The following VIM variants were observed in gnomAD, a reference collection of about 807,000 sequenced individuals.
VIM encodes the protein epididymis secretory sperm binding protein.
Under a neutral mutation model 50.3 loss-of-function variants are expected in VIM, and 18 were observed. The ratio of observed to expected loss-of-function variants is 0.36; its 90% CI spans 0.25 to 0.53. VIM has a LOEUF of 0.53. VIM is among the 20% of genes least tolerant of loss of function. The pLI is 0.91. For synonymous variants in VIM, 245 were observed against 248.5 expected (o/e 0.99, Z 0.13); for missense variants, 551 against 614.7 (o/e 0.90, Z 1.10).
chr10:17,229,291 G>T lies in VIM; in HGVS notation c.-132G>T. 3 of 956,106 alleles carry T rather than the reference G, an allele frequency of 3.1e-6. No individual in the cohort carries two copies. The highest frequency in any genetic ancestry group is 3.1e-5 in the South Asian group (2 of 65,140). 59.2% of individuals were successfully genotyped at this position (956,106 alleles called of 1,614,324 possible). A position where few individuals can be genotyped will look rare whatever the true frequency, so the allele number is the denominator to read the frequency against. On this transcript the variant is annotated 5_prime_UTR_variant, in exon 2 of 10. Transcript: ENST00000544301. ...CGGGGTCCAGTCCTCTGCCACTCTC[G>T]CTCCGAGGTCCCCGCGCCAGAGACG...
chr10:17,236,244 T>C (rs1564375138), intron 8 of VIM, 50 bp from the exon 9 acceptor site: 1 of 1,403,980 alleles, frequency 7.1e-7, no homozygotes, highest in Non-Finnish European at 1.0e-6. Flanking sequence ...ACTTGGTTTT[T>C]CCAAGAAAAA....
In VIM at chr10:17,237,354, G is replaced by T; in HGVS notation, c.*83G>T. 7.1e-7 allele frequency: 1 copy of T among 1,412,178 alleles called. No individual in the cohort carries two copies. The highest frequency in any genetic ancestry group is 1.3e-5 in the South Asian group (1 of 79,788). The allele number at this position is 1,412,178 out of a possible 1,614,324, so 87.5% of individuals were successfully genotyped here. A position where few individuals can be genotyped will look rare whatever the true frequency, so the allele number is the denominator to read the frequency against. ...TATCTTAAAGAAACAGCTTTCAAGTGCCTTTCTGCAGTTTTTCAGGAGCGC... is the reference window on the plus strand; with the variant it reads ...TATCTTAAAGAAACAGCTTTCAAGTTCCTTTCTGCAGTTTTTCAGGAGCGC... On this transcript the variant is annotated 3_prime_UTR_variant, in exon 10 of 10. Coordinates refer to ENST00000544301, the MANE Select transcript of VIM (RefSeq NM_003380.5).
chr10:17,234,965 G>T (rs995594471), intron 6 of VIM, 147 bp downstream of exon 6: 4 of 1,311,874 alleles, frequency 3.0e-6, no homozygotes, highest in Admixed American at 3.9e-5. Flanking sequence ...ACTCAAAAGG[G>T]ACTTCATGGA....
In VIM at chr10:17,237,330, A is replaced by G; in HGVS notation, c.*59A>G. On this transcript the variant is annotated 3_prime_UTR_variant, in exon 10 of 10. Coordinates refer to ENST00000544301, the MANE Select transcript of VIM (RefSeq NM_003380.5). Reference sequence around the variant, plus strand: ...CAGCAAGAATAAAAAAGAAATCCATATCTTAAAGAAACAGCTTTCAAGTGC... The same window carrying G: ...CAGCAAGAATAAAAAAGAAATCCATGTCTTAAAGAAACAGCTTTCAAGTGC... 6.5e-7 allele frequency: 1 copy of G among 1,543,334 alleles called. No individual in the cohort carries two copies. The highest frequency in any genetic ancestry group is 8.8e-7 in the Non-Finnish European group (1 of 1,130,008).
rs1846750403 is a variant in VIM, at chr10:17,229,795, G to C, written c.373G>C (p.Glu125Gln). The C allele has an allele frequency of 1.3e-6, 2 of 1,595,516 alleles. No individual in the cohort carries two copies. The highest frequency in any genetic ancestry group is 1.7e-6 in the Non-Finnish European group (2 of 1,171,106). The change falls in exon 2 of 10, where the codon GAG becomes CAG. Residue 125 changes from glutamate to glutamine, a missense_variant. Glu to Gln is a conservative substitution (Grantham distance 29, BLOSUM62 2). Coordinates refer to ENST00000544301, the MANE Select transcript of VIM (RefSeq NM_003380.5). ...ANYIDKVRFLEQQNKILLAEL... is the reference protein window; with the variant it reads ...ANYIDKVRFLQQQNKILLAEL... ...CTACATCGACAAGGTGCGCTTCCTG[G>C]AGCAGCAGAATAAGATCCTGCTGGC...
At chr10:17,230,385 C>T (rs1846765951) in intron 2 of VIM, 1 of 577,600 alleles carries the variant, frequency 1.7e-6, no homozygotes, top group Non-Finnish European at 3.1e-6. Flanking sequence ...GTGGAGGGAG[C>T]GAGACAAAGG....
At position 17,237,374 on chromosome 10, in the gene VIM, G is replaced by T; in HGVS notation, c.*103G>T. The T allele has an allele frequency of 8.7e-7, 1 of 1,145,518 alleles. No homozygotes were observed. The highest frequency in any genetic ancestry group is 1.6e-5 in the African/African-American group (1 of 64,370). 71.0% of individuals were successfully genotyped at this position (1,145,518 alleles called of 1,614,324 possible). A position where few individuals can be genotyped will look rare whatever the true frequency, so the allele number is the denominator to read the frequency against. On this transcript the variant is annotated 3_prime_UTR_variant, in exon 10 of 10. Transcript: ENST00000544301. ...CAAGTGCCTTTCTGCAGTTTTTCAG[G>T]AGCGCAAGATAGATTTGGAATAGGA...
chr10:17,230,537 G>T, intron 2 of VIM, 113 bp from the exon 3 acceptor site: 1 of 1,206,520 alleles, frequency 8.3e-7, no homozygotes, highest in South Asian at 1.2e-5. Flanking sequence ...CTAGTTGCGC[G>T]GAGGTGGCGC....
chr10:17,230,029 T>C (rs755005019), intron 2 of VIM, 44 bp downstream of exon 2: 1 of 1,565,348 alleles, frequency 6.4e-7, no homozygotes, highest in Non-Finnish European at 8.6e-7. Context: ...GGGAGGGGGC[T>C]GGAGGGAGAG....
intron 1 of VIM, chr10:17,229,022 C>A (rs1846729815): frequency 3.4e-6 from 1 of 289,954 alleles, no homozygotes; most frequent in Admixed American, 5.1e-5. Context: ...TTTTCAGCAC[C>A]CCAGGGTGAG....
chr10:17,234,086 A>G (rs749234367), intron 5 of VIM, 155 bp downstream of exon 5: 94 of 791,864 alleles, frequency 1.2e-4, no homozygotes, highest in Middle Eastern at 5.5e-4. Context: ...CCTCCCCACC[A>G]CTCACATCAC....
In VIM at chr10:17,233,610, A is replaced by G; in HGVS notation, c.648A>G (p.Ala216=). The change falls in exon 4 of 10, where the codon GCA becomes GCG. Residue 216 remains alanine, a synonymous_variant. Coordinates refer to ENST00000544301, the MANE Select transcript of VIM (RefSeq NM_003380.5). The part of the protein sequence containing the change: ...FRQDVDNASL[A]RLDLERKVES... ...AGGATGTTGACAATGCGTCTCTGGC[A>G]CGTCTTGACCTTGAACGCAAAGTGG... 6.2e-7 allele frequency: 1 copy of G among 1,614,208 alleles called. No homozygotes were observed. The highest frequency in any genetic ancestry group is 1.1e-5 in the South Asian group (1 of 91,086).
Position 17,229,937 on chromosome 10 carries a change from A to C in VIM, c.515A>C (p.Glu172Ala). The C allele has an allele frequency of 3.7e-6, 6 of 1,612,944 alleles. No individual in the cohort carries two copies. Among genetic ancestry groups the C allele is most frequent in the Non-Finnish European group, 5.1e-6 (6 of 1,179,824 alleles). ...DQLTNDKARV[E>A]VERDNLAEDI... ...CTAACCAACGACAAAGCCCGCGTCGAGGTGGAGCGCGACAACCTGGCCGAG... is the reference window on the plus strand; with the variant it reads ...CTAACCAACGACAAAGCCCGCGTCGCGGTGGAGCGCGACAACCTGGCCGAG... Residue 172 changes from glutamate to alanine, a missense_variant, in exon 2 of 10, where the codon GAG becomes GCG. Physicochemically the swap from Glu to Ala is moderately radical, Grantham distance 107 (BLOSUM62 -1). Around this residue, in one of 3 missense-constraint regions of VIM, gnomAD observed 394 missense variants for 437.5 expected, o/e 0.90. Coordinates refer to ENST00000544301, the MANE Select transcript of VIM (RefSeq NM_003380.5).
rs1158887580 is a variant in VIM, at chr10:17,237,574, A to G, written c.*303A>G. ...ATCCAACCAACTTGGTTCTGCTTCA[A>G]TAAATCTTTGGAAAAACTCTTTTGT... On this transcript the variant is annotated 3_prime_UTR_variant, in exon 10 of 10. Coordinates refer to ENST00000544301, the MANE Select transcript of VIM (RefSeq NM_003380.5). The G allele has an allele frequency of 1.3e-5, 4 of 308,532 alleles. No homozygotes were observed. Among genetic ancestry groups the G allele is most frequent in the East Asian group, 6.0e-5 (1 of 16,730 alleles). The allele number at this position is 308,532 out of a possible 1,614,324, so 19.1% of individuals were successfully genotyped here. A position where few individuals can be genotyped will look rare whatever the true frequency, so the allele number is the denominator to read the frequency against.
intron 7 of VIM, chr10:17,235,597 C>A: frequency 1.4e-6 from 1 of 709,118 alleles, no homozygotes; most frequent in Non-Finnish European, 2.4e-6. Flanking sequence ...GGGATTTGAA[C>A]CCATAACTCT....
Position 17,233,784 on chromosome 10 carries a change from G to A in VIM, c.735G>A (p.Leu245=), listed in dbSNP as rs1846836840. 1 of 1,614,060 alleles carries A rather than the reference G, an allele frequency of 6.2e-7. No homozygotes were observed. The highest frequency in any genetic ancestry group is 8.5e-7 in the Non-Finnish European group (1 of 1,180,040). ...TCTTTTTGCAGGAAATCCAGGAGCTGCAGGCTCAGATTCAGGAACAGCATG... is the reference window on the plus strand; with the variant it reads ...TCTTTTTGCAGGAAATCCAGGAGCTACAGGCTCAGATTCAGGAACAGCATG... The part of the protein sequence containing the change: ...KKLHEEEIQE[L]QAQIQEQHVQ... Residue 245 remains leucine (L), a synonymous_variant, in exon 5 of 10, where the codon CTG becomes CTA. Transcript: ENST00000544301.
chr10:17,230,576 G>C lies in VIM; in HGVS notation c.564-74G>C, dbSNP rs575653525. The C allele has an allele frequency of 6.6e-6, 10 of 1,517,610 alleles. No individual in the cohort carries two copies. In the African/African-American group the frequency reaches 1.1e-4, roughly 17 times the overall value. The allele number at this position is 1,517,610 out of a possible 1,614,324, so 94.0% of individuals were successfully genotyped here. A position where few individuals can be genotyped will look rare whatever the true frequency, so the allele number is the denominator to read the frequency against. ...TGCTCTGGAGGCGCAGAGCGAATAC[G>C]TGGTGTTTGGGTGTGGCCGCCCCGC... On this transcript the variant is annotated intron_variant, in intron 2 of 9. Coordinates refer to ENST00000544301, the MANE Select transcript of VIM (RefSeq NM_003380.5).
Position 17,236,382 on chromosome 10 carries a change from T to G in VIM, c.1359+3T>G, listed in dbSNP as rs1238212249. On this transcript the variant is annotated splice_donor_region_variant and intron_variant, in intron 9 of 9. Coordinates refer to ENST00000544301, the MANE Select transcript of VIM (RefSeq NM_003380.5). The stretch of plus-strand genomic sequence containing the variant: ...CGGTTGAAACTAGAGATGGACAGGT[T>G]GGTATCTTTTAAGGAAAAAATAGGG... 5 of 1,607,994 alleles carry G rather than the reference T, an allele frequency of 3.1e-6. No homozygotes were observed. The highest frequency in any genetic ancestry group is 2.6e-6 in the Non-Finnish European group (3 of 1,174,534).
chr10:17,230,760 A>G (rs760501539), intron 3 of VIM, 50 bp downstream of exon 3: 4 of 1,606,318 alleles, frequency 2.5e-6, no homozygotes, highest in Non-Finnish European at 3.4e-6. Flanking sequence ...ACCCAACACA[A>G]CCCACGAGCA....
Sources: gnomAD v4.1 joint callset for allele counts on GRCh38, gnomAD v4.1.1 for gene constraint, gnomAD v4.1.1 regional missense constraint, MANE v1.5 for transcripts, NCBI Gene and HGNC (gene_info 2026-07-23, HGNC 2026-07-21) for gene names.